The following ADAMTSL3 variants were observed in gnomAD, a reference collection of about 807,000 sequenced individuals.
ADAMTSL3 encodes ADAMTS-like protein 3.
Under a neutral mutation model 201.7 loss-of-function variants are expected in ADAMTSL3, and 128 were observed. The ratio of observed to expected loss-of-function variants is 0.63; its 90% CI spans 0.55 to 0.73. The LOEUF is 0.73. ADAMTSL3 is among the 30% of genes least tolerant of loss of function. The probability of loss-of-function intolerance (pLI) is 0.00; values close to 1 mark genes in which losing one functional copy is unlikely to be tolerated. For missense variants in ADAMTSL3, 1,990 were observed against 2,119.6 expected (o/e 0.94, Z 1.20); for synonymous variants, 738 against 748.4 (o/e 0.99, Z 0.23).
intron 17 of ADAMTSL3, among the ~76,000 whole-genome samples, chr15:83,926,715 A>C (rs2066252893): frequency 6.6e-6 from 1 of 151,406 alleles, no homozygotes; most frequent in Non-Finnish European, 1.5e-5. Flanking sequence ...TCCTGGGTTC[A>C]AGCGATTCTC....
At chr15:83,825,155 A>G (rs1423315393) in intron 6 of ADAMTSL3, among the ~76,000 whole-genome samples, 3 of 152,212 alleles carry the variant, frequency 2.0e-5, no homozygotes, top group African/African-American at 4.8e-5. Flanking sequence ...TAATTCTTCC[A>G]TTTTATAAAC....
intron 2 of ADAMTSL3, among the ~76,000 whole-genome samples, chr15:83,690,545 T>C (rs2061596838): frequency 6.6e-6 from 1 of 151,686 alleles, no homozygotes; most frequent in African/African-American, 2.4e-5. Flanking sequence ...CTCAGCTTTG[T>C]GGTCATTGCC....
chr15:83,668,170 A>T (rs1409909705), intron 2 of ADAMTSL3, among the ~76,000 whole-genome samples: 1 of 152,144 alleles, frequency 6.6e-6, no homozygotes, highest in Non-Finnish European at 1.5e-5. Context: ...GATGAAATGT[A>T]AAAAACAAAA....
intron 20 of ADAMTSL3, among the ~76,000 whole-genome samples, chr15:83,972,844 T>C (rs1007102451): frequency 6.6e-5 from 10 of 152,136 alleles, no homozygotes; most frequent in African/African-American, 2.4e-4. Flanking sequence ...TGCTGAAATG[T>C]AGGTTCTGCT....
chr15:83,985,820 G>C (rs1478449580), intron 21 of ADAMTSL3, among the ~76,000 whole-genome samples: 1 of 152,008 alleles, frequency 6.6e-6, no homozygotes, highest in Non-Finnish European at 1.5e-5. Flanking sequence ...AGTAGAGATA[G>C]GGTTTCACCA....
intron 16 of ADAMTSL3, among the ~76,000 whole-genome samples, chr15:83,919,752 A>G (rs1046243974): frequency 2.6e-5 from 4 of 152,184 alleles, no homozygotes; most frequent in African/African-American, 4.8e-5. Context: ...AAGCTCTAGA[A>G]TGAAAGTGAA....
Position 84,021,590 on chromosome 15 carries a change from C to G in ADAMTSL3, c.4454C>G (p.Ala1485Gly), listed in dbSNP as rs750268074. The change falls in exon 26 of 30, where the codon GCG (alanine) becomes GGG (glycine). Residue 1485 changes from alanine (A) to glycine (G), a missense_variant. Transcript: ENST00000286744. ...CCCTGTAACATCCGGGACTGCCCAG[C>G]GAGGTAAGTGAAGTCACTCTTTGTA... is the stretch of plus-strand genomic sequence containing the variant. ...FEPCNIRDCP[A>G]RWFTSVWSQC... The G allele has an allele frequency of 6.2e-7, 1 of 1,613,248 alleles. No individual in the cohort carries two copies. The highest frequency in any genetic ancestry group is 1.1e-5 in the South Asian group (1 of 90,982).
At chr15:84,004,296 A>G (rs1266228997) in intron 23 of ADAMTSL3, among the ~76,000 whole-genome samples, 1 of 152,194 alleles carries the variant, frequency 6.6e-6, no homozygotes, top group Non-Finnish European at 1.5e-5. Context: ...GATTTAATTC[A>G]TCGGCAGTAT....
At chr15:83,753,395 T>C (rs946821920) in intron 3 of ADAMTSL3, among the ~76,000 whole-genome samples, 2 of 152,142 alleles carry the variant, frequency 1.3e-5, no homozygotes, top group Admixed American at 1.3e-4. Flanking sequence ...CACCAACCAA[T>C]CCCAGAAGGA....
intron 23 of ADAMTSL3, 126 bp downstream of exon 23, chr15:83,991,340 A>G: frequency 2.9e-6 from 4 of 1,383,244 alleles, no homozygotes; most frequent in Non-Finnish European, 4.0e-6. Context: ...CTTAAAAAAA[A>G]GATTTTCCAG....
At chr15:83,745,218 C>T (rs2062525530) in intron 3 of ADAMTSL3, among the ~76,000 whole-genome samples, 2 of 152,194 alleles carry the variant, frequency 1.3e-5, no homozygotes, top group East Asian at 3.9e-4. Flanking sequence ...TTTCCAGCTC[C>T]CTTTCCTGAT....
chr15:83,882,233 T>C (rs1002515567), intron 9 of ADAMTSL3, among the ~76,000 whole-genome samples: 1 of 152,086 alleles, frequency 6.6e-6, no homozygotes, highest in East Asian at 1.9e-4. Flanking sequence ...TTATTCTCAT[T>C]GGGGAGATTC....
At chr15:83,736,514 G>A (rs749761870) in intron 3 of ADAMTSL3, among the ~76,000 whole-genome samples, 48 of 152,286 alleles carry the variant, frequency 3.2e-4, no homozygotes, top group Middle Eastern at 3.4e-3. Context: ...AAAGTGGGCA[G>A]TTTATATACA....
chr15:83,788,079 T>G (rs918426442), intron 4 of ADAMTSL3, among the ~76,000 whole-genome samples: 4 of 152,222 alleles, frequency 2.6e-5, no homozygotes, highest in African/African-American at 9.6e-5. Context: ...TCCTGAGTTT[T>G]TTTTCCACTA....
intron 3 of ADAMTSL3, among the ~76,000 whole-genome samples, chr15:83,713,576 C>T (rs2061961412): frequency 2.0e-5 from 3 of 151,976 alleles, no homozygotes; most frequent in Non-Finnish European, 4.4e-5. Context: ...TGCAACTGTA[C>T]ATGCTGTTCT....
At chr15:83,933,203 AT>A (rs2066394293) in intron 17 of ADAMTSL3, among the ~76,000 whole-genome samples, 1 of 152,238 alleles carries the variant, frequency 6.6e-6, no homozygotes, top group Admixed American at 6.5e-5. Context: ...AGAATAAAGC[AT>A]GGAGAATACA....
intron 7 of ADAMTSL3, among the ~76,000 whole-genome samples, chr15:83,849,822 A>T (rs1425526389): frequency 6.6e-6 from 1 of 152,244 alleles, no homozygotes; most frequent in African/African-American, 2.4e-5. Flanking sequence ...CAAAAAACAA[A>T]TAGTTTGAAG....
At chr15:83,890,802 A>T (rs1183632568) in intron 11 of ADAMTSL3, 1 of 154,404 alleles carries the variant, frequency 6.5e-6, no homozygotes, top group East Asian at 1.9e-4. Flanking sequence ...AAGTCCCAGA[A>T]TCCTCCAGAT....
intron 2 of ADAMTSL3, among the ~76,000 whole-genome samples, chr15:83,672,145 G>T (rs1345066770): frequency 6.6e-6 from 1 of 152,120 alleles, no homozygotes; most frequent in Non-Finnish European, 1.5e-5. Flanking sequence ...AAATAGAAGT[G>T]ACCACCCTGG....
Sources: allele counts gnomAD v4.1 joint callset (sites outside exome capture counted in the v4.1 genomes callset), GRCh38; gene constraint gnomAD v4.1.1; transcripts MANE v1.5; gene names NCBI Gene and HGNC (gene_info 2026-07-23, HGNC 2026-07-21).